Variants in TJP1 observed in about 807,000 individuals in gnomAD.
TJP1 encodes tight junction protein 1, also known as tight junction protein ZO-1.
TJP1 carries 43 observed loss-of-function variants against 194.2 expected under a neutral mutation model. The ratio of observed to expected loss-of-function variants is 0.22; its 90% confidence interval spans 0.17 to 0.29. The LOEUF is 0.29. TJP1 is among the 10% of genes least tolerant of loss of function. The pLI is 1.00. For missense variants in TJP1, 1,971 were observed against 2,185.7 expected, an observed-to-expected ratio of 0.90 and a Z score of 1.96; for synonymous variants, 801 against 779.0, an observed-to-expected ratio of 1.03 and a Z score of -0.47.
intron 18 of TJP1, among the ~76,000 whole-genome samples, chr15:29,722,620 C>T (rs1352782244): frequency 6.6e-6 from 1 of 152,202 alleles, no homozygotes; most frequent in Non-Finnish European, 1.5e-5. Flanking sequence ...TGGAGCCCCC[C>T]ACCAGACAGT....
At chr15:29,910,522 T>C (rs1462031326) in intron 2 of TJP1, among the ~76,000 whole-genome samples, 1 of 152,254 alleles carries the variant, frequency 6.6e-6, no homozygotes, top group Non-Finnish European at 1.5e-5. Flanking sequence ...TGTTTATATG[T>C]AGAAGTGTAT....
intron 1 of TJP1, among the ~76,000 whole-genome samples, chr15:29,802,962 G>A (rs1055842700): frequency 3.9e-5 from 6 of 152,086 alleles, no homozygotes; most frequent in African/African-American, 1.4e-4. Context: ...TTTCCATTTT[G>A]TAAGAAGATG....
At position 29,719,880 on chromosome 15, in the gene TJP1, T is replaced by C. The variant is rs775991823; in HGVS notation, c.2900A>G (p.Tyr967Cys). The C allele has an allele frequency of 1.2e-6, 2 of 1,614,086 alleles. No homozygotes were observed. The highest frequency in any genetic ancestry group is 1.7e-5 in the Admixed American group (1 of 60,018). The part of the protein sequence containing the change: ...EEPTPAPSTS[Y>C]SPQADSLRTP... ...TCTTAAAGAATCAGCTTGTGGTGAGTAAGAGGTGGAAGGAGCTGGGGTGGG... is the reference window on the plus strand; with the variant it reads ...TCTTAAAGAATCAGCTTGTGGTGAGCAAGAGGTGGAAGGAGCTGGGGTGGG... The change falls in exon 20 of 28, where the codon TAC (tyrosine) becomes TGC (cysteine). Residue 967 changes from tyrosine (Y) to cysteine (C), a missense_variant. Physicochemically the swap from Tyr to Cys is radical, Grantham distance 194 (BLOSUM62 -2). Transcript: ENST00000614355.
At chr15:29,898,267 CTCTCT>C (rs1261557014) in intron 2 of TJP1, among the ~76,000 whole-genome samples, 1 of 152,164 alleles carries the variant, frequency 6.6e-6, no homozygotes, top group African/African-American at 2.4e-5. Flanking sequence ...CCTTCACAAG[CTCTCT>C]TCTCTTGTCT....
chr15:29,765,379 T>G (rs895630632), intron 5 of TJP1, among the ~76,000 whole-genome samples: 3 of 152,160 alleles, frequency 2.0e-5, no homozygotes, highest in Non-Finnish European at 2.9e-5. Flanking sequence ...ATTCCAACTG[T>G]AACACCCTTT....
chr15:29,957,554 CTT>C (rs1567235158), intron 1 of TJP1, among the ~76,000 whole-genome samples: 1 of 152,090 alleles, frequency 6.6e-6, no homozygotes, highest in East Asian at 1.9e-4. Flanking sequence ...CTTAATATAT[CTT>C]AACGTTCTTC....
At chr15:29,805,688 T>G (rs1258097293) in intron 1 of TJP1, among the ~76,000 whole-genome samples, 1 of 152,180 alleles carries the variant, frequency 6.6e-6, no homozygotes, top group Non-Finnish European at 1.5e-5. Context: ...GCTTTTGCCA[T>G]TAAAATGGCA....
intron 2 of TJP1, among the ~76,000 whole-genome samples, chr15:29,955,064 A>G (rs1007702550): frequency 1.3e-5 from 2 of 152,102 alleles, no homozygotes; most frequent in African/African-American, 4.8e-5. Flanking sequence ...TGGGCAACAG[A>G]GCAAGACTCC....
Position 29,822,031 on chromosome 15 carries a change from TG to T in TJP1, c.-4del. 1 of 1,352,218 alleles carries T rather than the reference TG, an allele frequency of 7.4e-7. No homozygotes were observed. The allele number at this position is 1,352,218 out of a possible 1,614,324, so 83.8% of individuals were successfully genotyped here. On this transcript the variant is annotated 5_prime_UTR_variant, in exon 1 of 28. Coordinates refer to ENST00000614355, the MANE Select transcript of TJP1 (RefSeq NM_001330239.4). ...GCGGCCGCAGCTCTGGCGGACATCT[TG>T]TCTCTCTCCAGCGCCGCGCGAGGCT...
chr15:29,853,853 G>A (rs2051739134), intron 2 of TJP1, among the ~76,000 whole-genome samples: 1 of 152,094 alleles, frequency 6.6e-6, no homozygotes, highest in Non-Finnish European at 1.5e-5. Context: ...AGAATGACTT[G>A]CACAACACTA....
At chr15:29,950,221 C>T (rs187742835) in intron 2 of TJP1, among the ~76,000 whole-genome samples, 13 of 146,974 alleles carry the variant, frequency 8.8e-5, no homozygotes, top group East Asian at 6.6e-4. Flanking sequence ...CCTTTACCAC[C>T]GCTACCTCCA....
intron 1 of TJP1, among the ~76,000 whole-genome samples, chr15:29,803,272 T>C (rs1005205810): frequency 1.3e-5 from 2 of 152,206 alleles, no homozygotes; most frequent in Non-Finnish European, 2.9e-5. Flanking sequence ...AGACAGTCCC[T>C]GACTTAGGAT....
chr15:29,878,425 C>A (rs752489429), intron 2 of TJP1, among the ~76,000 whole-genome samples: 1 of 152,150 alleles, frequency 6.6e-6, no homozygotes, highest in Non-Finnish European at 1.5e-5. Context: ...CCTTGAGTAG[C>A]CTCTGGACTT....
chr15:29,940,644 A>G (rs1172416785), intron 2 of TJP1, among the ~76,000 whole-genome samples: 1 of 152,216 alleles, frequency 6.6e-6, no homozygotes, highest in Non-Finnish European at 1.5e-5. Flanking sequence ...TCCATAACAA[A>G]CGTGGTGATC....
chr15:29,863,282 C>T (rs1029044800), intron 2 of TJP1, among the ~76,000 whole-genome samples: 5 of 147,608 alleles, frequency 3.4e-5, no homozygotes, highest in African/African-American at 4.9e-5. Context: ...GGCGACAAAG[C>T]GAGCCTTTGT....
At chr15:29,763,935 G>C (rs2046170788) in intron 5 of TJP1, among the ~76,000 whole-genome samples, 1 of 152,024 alleles carries the variant, frequency 6.6e-6, no homozygotes, top group Non-Finnish European at 1.5e-5. Context: ...AGAAGGATAG[G>C]GTATTGGTTA....
intron 2 of TJP1, among the ~76,000 whole-genome samples, chr15:29,855,683 C>T (rs1231470477): frequency 6.6e-6 from 1 of 152,032 alleles, no homozygotes; most frequent in Admixed American, 6.6e-5. Flanking sequence ...TGGTGAAACC[C>T]CGTCTCTACT....
chr15:29,728,811 C>T (rs1434099141), intron 15 of TJP1: 1 of 152,192 alleles, frequency 6.6e-6, no homozygotes, highest in Non-Finnish European at 1.5e-5. Flanking sequence ...GAGAATGAGA[C>T]TACCATAAGA....
intron 8 of TJP1, among the ~76,000 whole-genome samples, chr15:29,748,953 T>TGTGTGC (rs768387529): frequency 4.7e-3 from 153 of 32,318 alleles, no homozygotes; most frequent in African/African-American, 8.4e-3. Context: ...TGTGTGTGTG[T>TGTGTGC]GCGCGTGTGT....
Sources: gnomAD v4.1 joint callset for allele counts (sites outside exome capture counted in the v4.1 genomes callset) on GRCh38, gnomAD v4.1.1 for gene constraint, MANE v1.5 for transcripts, NCBI Gene and HGNC (gene_info 2026-07-23, HGNC 2026-07-21) for gene names.